CCDC171: variants seen among roughly 807,000 people sequenced by gnomAD.
CCDC171 encodes coiled-coil domain containing 171.
In CCDC171, 177 loss-of-function variants were observed where a neutral mutation model predicts 168.2. That is an observed-to-expected ratio of 1.05 (90% CI 0.93 to 1.19). The LOEUF is 1.19. Ranked by LOEUF, CCDC171 falls within the 50% of genes most tolerant of loss-of-function variation. The probability of loss-of-function intolerance (pLI) is 0.00; values close to 1 mark genes in which losing one functional copy is unlikely to be tolerated. For synonymous variants in CCDC171, 687 were observed against 540.8 expected (o/e 1.27, Z -3.75); for missense variants, 1,991 against 1,539.0 (o/e 1.29, Z -4.91).
chr9:15,615,323 C>T (rs10756677), intron 6 of CCDC171, among the ~76,000 whole-genome samples: 64,399 of 151,884 alleles, frequency 0.42, 14,905 homozygotes, highest in East Asian at 0.75. Flanking sequence ...AATTCCTAAA[C>T]ATCTCTACTA....
chr9:15,609,180 A>C (rs895491299), intron 6 of CCDC171, among the ~76,000 whole-genome samples: 4 of 151,386 alleles, frequency 2.6e-5, no homozygotes, highest in African/African-American at 9.7e-5. Context: ...GCTCACTGCA[A>C]CCTCCGCCTC....
intron 21 of CCDC171, among the ~76,000 whole-genome samples, chr9:15,798,839 T>A (rs185132788): frequency 1.3e-5 from 2 of 152,170 alleles, no homozygotes; most frequent in Non-Finnish European, 2.9e-5. Context: ...TGCTATTGGC[T>A]TATTAGGTAT....
At chr9:15,687,208 G>A (rs1035115695) in intron 10 of CCDC171, among the ~76,000 whole-genome samples, 1 of 152,170 alleles carries the variant, frequency 6.6e-6, no homozygotes, top group Middle Eastern at 3.2e-3. Flanking sequence ...ACTTTGAGAT[G>A]AGTGAAATAA....
At chr9:16,078,147 G>A in the CCDC171 span, among the ~76,000 whole-genome samples, 1,341 of 152,064 alleles carry the variant, frequency 8.8e-3, 25 homozygotes, top group African/African-American at 0.03. Flanking sequence ...GGTCATTTCA[G>A]TGTATACGTA....
chr9:15,859,819 C>G (rs933372037), intron 23 of CCDC171, among the ~76,000 whole-genome samples: 7 of 151,648 alleles, frequency 4.6e-5, no homozygotes, highest in Non-Finnish European at 1.0e-4. Flanking sequence ...GCCACCAAAT[C>G]CTGCTAATTT....
the CCDC171 span, among the ~76,000 whole-genome samples, chr9:16,071,163 G>C: frequency 1.3e-5 from 2 of 152,174 alleles, no homozygotes; most frequent in African/African-American, 2.4e-5. Context: ...ATGGAGTTCC[G>C]ATGGCATTGT....
intron 11 of CCDC171, among the ~76,000 whole-genome samples, chr9:15,706,324 C>G (rs1034637949): frequency 2.0e-5 from 3 of 151,720 alleles, no homozygotes; most frequent in Admixed American, 6.6e-5. Flanking sequence ...GGATCTCACT[C>G]TGTTGGTTGG....
chr9:15,663,616 T>C (rs2048490574), intron 8 of CCDC171, among the ~76,000 whole-genome samples: 1 of 151,074 alleles, frequency 6.6e-6, no homozygotes, highest in Non-Finnish European at 1.5e-5. Context: ...TTCTTTTTTT[T>C]TTTTTTTGAG....
At chr9:16,051,804 T>C (rs1833754709) in intron 1 of CCDC171, among the ~76,000 whole-genome samples, 1 of 152,210 alleles carries the variant, frequency 6.6e-6, no homozygotes, top group African/African-American at 2.4e-5. Context: ...CTTTTACTGC[T>C]AATAAAGACA....
At chr9:15,919,909 A>G (rs960529236) in intron 24 of CCDC171, among the ~76,000 whole-genome samples, 1 of 151,644 alleles carries the variant, frequency 6.6e-6, no homozygotes, top group African/African-American at 2.4e-5. Flanking sequence ...TTGTATACCC[A>G]TTAAGATTGC....
chr9:15,777,859 A>C, intron 19 of CCDC171, 33 bp downstream of exon 19: 2 of 1,360,358 alleles, frequency 1.5e-6, no homozygotes, highest in Non-Finnish European at 2.0e-6. Flanking sequence ...TAGTAACCTA[A>C]GAACTTGTAG....
chr9:15,745,726 G>T (rs2055225969), intron 18 of CCDC171, 95 bp downstream of exon 18: 1 of 651,860 alleles, frequency 1.5e-6, no homozygotes, highest in East Asian at 2.9e-5. Flanking sequence ...CATATAGGGG[G>T]AAATATATTT....
At chr9:15,847,043 C>T (rs1189802184) in intron 22 of CCDC171, among the ~76,000 whole-genome samples, 196 bp downstream of exon 22, 1 of 152,042 alleles carries the variant, frequency 6.6e-6, no homozygotes, top group African/African-American at 2.4e-5. Context: ...TGAGAAACCT[C>T]AGAAAAGTAT....
intron 19 of CCDC171, among the ~76,000 whole-genome samples, 170 bp downstream of exon 19, chr9:15,777,996 A>G (rs924216045): frequency 1.3e-5 from 2 of 152,208 alleles, no homozygotes; most frequent in Non-Finnish European, 2.9e-5. Context: ...TGTCCAAAAT[A>G]TCTAAATACA....
At chr9:15,643,973 A>G (rs548151948) in intron 7 of CCDC171, among the ~76,000 whole-genome samples, 2 of 152,262 alleles carry the variant, frequency 1.3e-5, no homozygotes, top group Non-Finnish European at 2.9e-5. Flanking sequence ...TTATTCATTC[A>G]TTGGTTGATG....
At chr9:15,769,848 G>A (rs1430679860) in intron 18 of CCDC171, among the ~76,000 whole-genome samples, 23 of 152,136 alleles carry the variant, frequency 1.5e-4, no homozygotes, top group Admixed American at 1.5e-3. Context: ...TGAAATAGCA[G>A]CCTTAAGCCC....
chr9:15,823,484 C>T (rs1436659332), intron 21 of CCDC171, among the ~76,000 whole-genome samples: 1 of 151,994 alleles, frequency 6.6e-6, no homozygotes, highest in East Asian at 1.9e-4. Flanking sequence ...GCTAAGATTA[C>T]TGAGCACATA....
intron 21 of CCDC171, 30 bp from the exon 22 acceptor site, chr9:15,846,672 C>G: frequency 6.2e-7 from 1 of 1,608,114 alleles, no homozygotes; most frequent in South Asian, 1.1e-5. Context: ...TCAGGGCTGA[C>G]AAGTAACTCT....
chr9:15,996,855 G>A (rs1323371299), intron 3 of CCDC171, among the ~76,000 whole-genome samples: 1 of 151,992 alleles, frequency 6.6e-6, no homozygotes, highest in African/African-American at 2.4e-5. Context: ...TTGAGGTAAA[G>A]GCTCAAACCA....
Sources: allele counts gnomAD v4.1 joint callset (sites outside exome capture counted in the v4.1 genomes callset), GRCh38; gene constraint gnomAD v4.1.1; transcripts MANE v1.5; gene names NCBI Gene and HGNC (gene_info 2026-07-23, HGNC 2026-07-21).